The following INPP5A variants were observed in gnomAD, a reference collection of about 807,000 sequenced individuals.
INPP5A encodes the protein inositol polyphosphate-5-phosphatase A.
Under a neutral mutation model 65.2 loss-of-function variants are expected in INPP5A, and 14 were observed. The ratio of observed to expected loss-of-function variants is 0.21; its 90% confidence interval spans 0.14 to 0.34. INPP5A has a LOEUF of 0.34. INPP5A is among the 10% of genes least tolerant of loss of function. INPP5A has a pLI of 1.00. For missense variants in INPP5A, 431 were observed against 545.6 expected (o/e 0.79, Z 2.09); for synonymous variants, 207 against 208.3 (o/e 0.99, Z 0.05).
In INPP5A at chr10:132,665,367, G is replaced by A. The variant is rs555878617; in HGVS notation, c.306+14862G>A. On this transcript the variant is annotated intron_variant, in intron 4 of 15. Coordinates refer to ENST00000368594, the MANE Select transcript of INPP5A (RefSeq NM_005539.5). ...GTGTTTTTCCCCTCGATTCTGTGTCGCTAATTGTTAATTATGACAAAGGAA... is the reference window on the plus strand; with the variant it reads ...GTGTTTTTCCCCTCGATTCTGTGTCACTAATTGTTAATTATGACAAAGGAA... Among the ~76,000 whole-genome samples, 9 of 152,334 alleles carry A rather than the reference G, an allele frequency of 5.9e-5. No homozygotes were observed. The South Asian group carries it at 1.7e-3, about 28-fold the overall frequency.
intron 8 of INPP5A, among the ~76,000 whole-genome samples, chr10:132,711,353 C>T (rs1239281594): frequency 1.3e-5 from 2 of 152,190 alleles, no homozygotes; most frequent in African/African-American, 4.8e-5. Flanking sequence ...AAGCTCAGGC[C>T]CCACAGCCAG....
intron 7 of INPP5A, 63 bp downstream of exon 7, chr10:132,708,428 AGC>A (rs1564974939): frequency 1.3e-6 from 2 of 1,511,698 alleles, no homozygotes; most frequent in South Asian, 2.2e-5. Flanking sequence ...ATCTTGCACC[AGC>A]GGCATGTTCC....
In INPP5A at chr10:132,650,600, C is replaced by T; in HGVS notation, c.306+95C>T. Reference sequence around the variant, plus strand: ...GTGTAAATGGAGAGAGGTCGGGGTGCTCCCTGCCTGAAGCCTCACTCACGC... The same window carrying T: ...GTGTAAATGGAGAGAGGTCGGGGTGTTCCCTGCCTGAAGCCTCACTCACGC... On this transcript the variant is annotated intron_variant, in intron 4 of 15. Transcript: ENST00000368594. The surrounding 1 kb of genome is among the most constrained non-coding windows in gnomAD (Gnocchi z 5.5). The T allele has an allele frequency of 1.1e-6, 1 of 873,480 alleles. No individual in the cohort carries two copies. Among genetic ancestry groups the T allele is most frequent in the East Asian group, 2.5e-5 (1 of 40,248 alleles). The allele number at this position is 873,480 out of a possible 1,614,324, so 54.1% of individuals were successfully genotyped here.
At chr10:132,745,899 G>GA (rs1846363638) in intron 9 of INPP5A, among the ~76,000 whole-genome samples, 1 of 152,198 alleles carries the variant, frequency 6.6e-6, no homozygotes. Flanking sequence ...GGCCCCCGAG[G>GA]AGGAGTGTGT....
At chr10:132,648,739 G>A (rs1374730620) in intron 3 of INPP5A, among the ~76,000 whole-genome samples, 2 of 152,072 alleles carry the variant, frequency 1.3e-5, no homozygotes, top group East Asian at 3.8e-4. Context: ...CGAGAATCTC[G>A]CCATTGTTCT....
intron 1 of INPP5A, among the ~76,000 whole-genome samples, chr10:132,586,724 C>T (rs1248309393): frequency 2.6e-5 from 4 of 152,242 alleles, no homozygotes; most frequent in South Asian, 2.1e-4. Flanking sequence ...GCTTCCCTCC[C>T]GCTGAATTTC....
At chr10:132,755,217 ATGTG>A in intron 11 of INPP5A, among the ~76,000 whole-genome samples, 1 of 149,218 alleles carries the variant, frequency 6.7e-6, no homozygotes, top group East Asian at 2.0e-4. Context: ...GGGTGTGTGC[ATGTG>A]TGAGCAGGCG....
At chr10:132,723,574 G>A (rs1479304976) in intron 8 of INPP5A, among the ~76,000 whole-genome samples, 5 of 95,410 alleles carry the variant, frequency 5.2e-5, no homozygotes, top group Non-Finnish European at 9.3e-5. Context: ...GATTGGCCAT[G>A]TGGGGATTGG....
intron 1 of INPP5A, among the ~76,000 whole-genome samples, chr10:132,578,073 A>T (rs2071431145): frequency 6.6e-6 from 1 of 152,238 alleles, no homozygotes; most frequent in South Asian, 2.1e-4. Context: ...ATTGAACTGC[A>T]TTGAATGAAG....
chr10:132,749,942 T>C (rs1846444086), intron 11 of INPP5A, 97 bp downstream of exon 11: 1 of 1,041,642 alleles, frequency 9.6e-7, no homozygotes, highest in African/African-American at 1.6e-5. Context: ...CACCCTGCCT[T>C]GTCCCTGCCA....
chr10:132,656,489 C>G (rs902608797), intron 4 of INPP5A, among the ~76,000 whole-genome samples: 2 of 152,092 alleles, frequency 1.3e-5, no homozygotes, highest in African/African-American at 4.8e-5. Flanking sequence ...CTCGGAGGGT[C>G]CCCCCTGCTT....
At chr10:132,571,005 C>T (rs2071334718) in intron 1 of INPP5A, among the ~76,000 whole-genome samples, 2 of 152,240 alleles carry the variant, frequency 1.3e-5, no homozygotes, top group African/African-American at 4.8e-5. Context: ...CTCCCCACCA[C>T]AGCCTACTCC....
chr10:132,558,252 C>T (rs578095487), intron 1 of INPP5A, among the ~76,000 whole-genome samples: 1 of 152,152 alleles, frequency 6.6e-6, no homozygotes, highest in Non-Finnish European at 1.5e-5. Flanking sequence ...CGCGACTTCC[C>T]CAAGCTGCTC....
At chr10:132,614,691 A>G (rs2072005785) in intron 2 of INPP5A, among the ~76,000 whole-genome samples, 1 of 152,200 alleles carries the variant, frequency 6.6e-6, no homozygotes, top group Non-Finnish European at 1.5e-5. Context: ...GGCCCCTCCC[A>G]CATTCCTGTG....
intron 11 of INPP5A, among the ~76,000 whole-genome samples, chr10:132,755,573 TGA>T (rs1417263533): frequency 1.3e-5 from 2 of 149,680 alleles, no homozygotes; most frequent in African/African-American, 2.5e-5. Context: ...AGAGCAGGTG[TGA>T]GCGAGTGTGT....
chr10:132,620,419 A>T (rs1298148450), intron 2 of INPP5A, among the ~76,000 whole-genome samples: 2 of 152,162 alleles, frequency 1.3e-5, no homozygotes, highest in Non-Finnish European at 2.9e-5. Context: ...TTGCTCCCAC[A>T]TCTGAGTGTA....
At chr10:132,669,432 A>G (rs983774537) in intron 4 of INPP5A, among the ~76,000 whole-genome samples, 2 of 152,054 alleles carry the variant, frequency 1.3e-5, no homozygotes, top group South Asian at 4.1e-4. Context: ...AAGGCTTTCT[A>G]TGTAGCACGT....
intron 4 of INPP5A, among the ~76,000 whole-genome samples, chr10:132,672,193 A>G (rs2072900162): frequency 6.6e-6 from 1 of 152,188 alleles, no homozygotes; most frequent in African/African-American, 2.4e-5. Context: ...TCTTCATTTT[A>G]TTTCCTTTTC....
At chr10:132,638,599 G>T (rs190914992) in intron 2 of INPP5A, among the ~76,000 whole-genome samples, 1 of 152,012 alleles carries the variant, frequency 6.6e-6, no homozygotes, top group Non-Finnish European at 1.5e-5. Flanking sequence ...ACAGAATGTC[G>T]CTCTGTCACC....
Sources: allele counts gnomAD v4.1 joint callset (sites outside exome capture counted in the v4.1 genomes callset), GRCh38; gene constraint gnomAD v4.1.1; non-coding constraint Gnocchi (gnomAD v3.1); transcripts MANE v1.5; gene names NCBI Gene and HGNC (gene_info 2026-07-23, HGNC 2026-07-21).